The following MAGED1 variants were observed in gnomAD, a reference collection of about 807,000 sequenced individuals.
MAGED1 encodes melanoma-associated antigen D1.
A neutral mutation model predicts 54.1 loss-of-function variants in MAGED1; 3 were observed. That is an observed-to-expected ratio of 0.06 (90% CI 0.03 to 0.14). The LOEUF (loss-of-function observed/expected upper bound fraction) is 0.14, where lower values mean the gene tolerates loss of function less well. Among genes scored for constraint, MAGED1 ranks in the 10% least tolerant of loss-of-function variants. The pLI is 1.00. For synonymous variants in MAGED1, 217 were observed against 227.3 expected (o/e 0.95, Z 0.41); for missense variants, 485 against 623.4 (o/e 0.78, Z 2.36).
At chrX:51,880,107 A>G (rs1569555948) in intron 1 of MAGED1, among the ~76,000 whole-genome samples, 1 of 112,512 alleles carries the variant, frequency 8.9e-6, no homozygotes, top group East Asian at 2.8e-4. Context: ...AGCTCAGGGT[A>G]TTTACAGGAG....
chrX:51,870,649 G>A (rs1323899730), intron 1 of MAGED1: 3 of 112,080 alleles, frequency 2.7e-5, no homozygotes, highest in Non-Finnish European at 5.6e-5. Flanking sequence ...ACATTGGATT[G>A]CCTTCAAAGT....
At chrX:51,819,198 C>T (rs1478315822) in intron 1 of MAGED1, among the ~76,000 whole-genome samples, 3 of 109,785 alleles carry the variant, frequency 2.7e-5, no homozygotes, top group Non-Finnish European at 3.8e-5. Context: ...TGCCCCACAT[C>T]GGGACAAATT....
At chrX:51,806,459 AT>A (rs1925040699) in intron 1 of MAGED1, among the ~76,000 whole-genome samples, 1 of 112,018 alleles carries the variant, frequency 8.9e-6, no homozygotes, top group Non-Finnish European at 1.9e-5. Context: ...GTTTGTGTTA[AT>A]TTTTTGGCTT....
rs182344135 is a variant in MAGED1, at chrX:51,816,407, G to A, written c.-37+13290G>A. On this transcript the variant is annotated intron_variant, in intron 1 of 12. Coordinates refer to the MAGED1 transcript ENST00000375772. ...TGGGATTACAAGCGTGAGCCACCGCGCCTGGCCATATTTTTGTCTTTTATA... is the reference window on the plus strand; with the variant it reads ...TGGGATTACAAGCGTGAGCCACCGCACCTGGCCATATTTTTGTCTTTTATA... Among the ~76,000 whole-genome samples the A allele has an allele frequency of 2.1e-4, 23 of 111,589 alleles. No homozygotes were observed. In the East Asian group the frequency reaches 5.9e-3, roughly 29 times the overall value.
At chrX:51,878,904 A>C (rs1300005068) in intron 1 of MAGED1, among the ~76,000 whole-genome samples, 1 of 111,309 alleles carries the variant, frequency 9.0e-6, no homozygotes, top group Admixed American at 9.5e-5. Flanking sequence ...AGAGGCTTCA[A>C]GAGGGACCCA....
Position 51,898,202 on chromosome X carries a change from C to A in MAGED1, c.1738+9C>A, listed in dbSNP as rs181063528. On this transcript the variant is annotated intron_variant, in intron 8 of 12. Coordinates refer to ENST00000326587, the MANE Select transcript of MAGED1 (RefSeq NM_006986.4). ...CAACCGTGCCAGTGAGGGTGAGTGG[C>A]TGGACCTGCAGCTGGGGGTTGGCCA... 1.3e-4 allele frequency: 158 copies of A among 1,208,144 alleles called. No homozygotes were observed. In the African/African-American group the frequency reaches 2.6e-3, roughly 20 times the overall value.
At position 51,895,579 on chromosome X, in the gene MAGED1, C is replaced by T; in HGVS notation, c.572C>T (p.Pro191Leu). 5.0e-6 allele frequency: 6 copies of T among 1,211,852 alleles called. No homozygotes were observed. The highest frequency in any genetic ancestry group is 6.7e-6 in the Non-Finnish European group (6 of 895,528). Residue 191 changes from proline to leucine, a missense_variant, in exon 3 of 13, where the codon CCA (proline) becomes CTA (leucine). By Grantham distance (98) the Pro-to-Leu change is moderately conservative (BLOSUM62 -3). Coordinates refer to ENST00000326587, the MANE Select transcript of MAGED1 (RefSeq NM_006986.4). ...GCTTGGAATGATACCACTAAGGCCC[C>T]AACAGCTGATACCCAGACCCAGAAT... ...FKAWNDTTKA[P>L]TADTQTQNVN...
In MAGED1 at chrX:51,856,301, G is replaced by A. The variant is rs188785506; in HGVS notation, c.-36-37968G>A. ...TTGAAGAGTGATTATTGGGTCAAAA[G>A]GTATGACTATTCTCTGGTTTTTAAT... is the stretch of plus-strand genomic sequence containing the variant. On this transcript the variant is annotated intron_variant, in intron 1 of 12. Coordinates refer to the MAGED1 transcript ENST00000375772. Among the ~76,000 whole-genome samples the A allele has an allele frequency of 8.0e-5, 9 of 111,919 alleles. No individual in the cohort carries two copies. In the Admixed American group the frequency reaches 8.5e-4, roughly 11 times the overall value.
At chrX:51,898,428 T>G in intron 9 of MAGED1, 101 bp downstream of exon 9, 2 of 1,061,902 alleles carry the variant, frequency 1.9e-6, no homozygotes, top group Non-Finnish European at 2.6e-6. Context: ...AGGGTTTGGT[T>G]TGGGGATGTT....
chrX:51,823,643 A>AACT (rs1925725073), intron 1 of MAGED1, among the ~76,000 whole-genome samples: 1 of 111,899 alleles, frequency 8.9e-6, no homozygotes, highest in East Asian at 2.8e-4. Context: ...CTCTTCAGGT[A>AACT]GAATTTACAT....
At chrX:51,856,260 G>T (rs1431480006) in intron 1 of MAGED1, among the ~76,000 whole-genome samples, 2 of 112,088 alleles carry the variant, frequency 1.8e-5, no homozygotes, top group Admixed American at 1.9e-4. Flanking sequence ...CTGACTATTT[G>T]TTTGGAATAG....
chrX:51,828,937 C>T (rs1455278365), intron 1 of MAGED1, among the ~76,000 whole-genome samples: 1 of 110,668 alleles, frequency 9.0e-6, no homozygotes, highest in Admixed American at 9.6e-5. Flanking sequence ...ATTTTTTCTA[C>T]TTGTATCACA....
intron 1 of MAGED1, among the ~76,000 whole-genome samples, chrX:51,882,946 C>T (rs1928111903): frequency 8.9e-6 from 1 of 111,940 alleles, no homozygotes; most frequent in Non-Finnish European, 1.9e-5. Context: ...CTGCCTCAGC[C>T]TCCCAAAGTG....
intron 1 of MAGED1, among the ~76,000 whole-genome samples, chrX:51,848,107 T>G (rs1207000223): frequency 2.7e-5 from 3 of 111,815 alleles, no homozygotes; most frequent in African/African-American, 9.8e-5. Context: ...GTATCTAACT[T>G]TAATGTCTCA....
intron 1 of MAGED1, among the ~76,000 whole-genome samples, chrX:51,853,567 G>A (rs1352471626): frequency 8.9e-6 from 1 of 112,276 alleles, no homozygotes; most frequent in Non-Finnish European, 1.9e-5. Flanking sequence ...TTTCAAGGCA[G>A]CCAAAATGAA....
chrX:51,869,343 A>T (rs1927569406), intron 1 of MAGED1, among the ~76,000 whole-genome samples: 1 of 111,415 alleles, frequency 9.0e-6, no homozygotes, highest in African/African-American at 3.3e-5. Flanking sequence ...TTTATTTATG[A>T]TAGTACAGGA....
intron 1 of MAGED1, among the ~76,000 whole-genome samples, chrX:51,872,541 T>G (rs1329224642): frequency 8.9e-6 from 1 of 112,425 alleles, no homozygotes; most frequent in Non-Finnish European, 1.9e-5. Context: ...ATTTCATTCT[T>G]TATATGTTAT....
chrX:51,865,804 G>A (rs782601021), intron 1 of MAGED1, among the ~76,000 whole-genome samples: 3 of 111,803 alleles, frequency 2.7e-5, no homozygotes, highest in African/African-American at 9.7e-5. Context: ...GAGAGGCCTG[G>A]TGGGAGGTAA....
intron 1 of MAGED1, among the ~76,000 whole-genome samples, chrX:51,817,183 C>T (rs1194132553): frequency 8.9e-6 from 1 of 111,859 alleles, no homozygotes. Context: ...ATCCCAAGGA[C>T]TATACCCCCA....
Sources: gnomAD v4.1 joint callset for allele counts (sites outside exome capture counted in the v4.1 genomes callset) on GRCh38, gnomAD v4.1.1 for gene constraint, MANE v1.5 for transcripts, NCBI Gene and HGNC (gene_info 2026-07-23, HGNC 2026-07-21) for gene names.